PKN2: variants seen among roughly 807,000 people sequenced by gnomAD.
The protein encoded by PKN2 is protein kinase N2, also known as serine/threonine-protein kinase N2.
Under a neutral mutation model 119.1 loss-of-function variants are expected in PKN2, and 38 were observed. That is an observed-to-expected ratio of 0.32 (90% CI 0.25 to 0.42). The LOEUF is 0.42. PKN2 is among the 10% of genes least tolerant of loss of function. The pLI, the probability that PKN2 is intolerant of heterozygous loss-of-function variation, is 1.00. For missense variants in PKN2, 850 were observed against 1,165.1 expected (o/e 0.73, Z 3.94); for synonymous variants, 390 against 384.9 (o/e 1.01, Z -0.15).
chr1:88,730,011 A>C (rs1181202809), intron 1 of PKN2, among the ~76,000 whole-genome samples: 1 of 152,026 alleles, frequency 6.6e-6, no homozygotes, highest in Non-Finnish European at 1.5e-5. Context: ...AAAAATACAA[A>C]AAAATTAGCC....
chr1:88,684,337 A>G lies in PKN2; in HGVS notation c.-244A>G, dbSNP rs1011179166. 3 of 429,046 alleles carry G rather than the reference A, an allele frequency of 7.0e-6. No homozygotes were observed. Among genetic ancestry groups the G allele is most frequent in the African/African-American group, 6.2e-5 (3 of 48,328 alleles). 26.6% of individuals were successfully genotyped at this position (429,046 alleles called of 1,614,324 possible). A position where few individuals can be genotyped will look rare whatever the true frequency, so the allele number is the denominator to read the frequency against. On this transcript the variant is annotated 5_prime_UTR_variant, in exon 1 of 22. Coordinates refer to ENST00000370521, the MANE Select transcript of PKN2 (RefSeq NM_006256.4). ...CTGGCGTCGCCCAGAGGGAGCGACT[A>G]GACGAACAGTCCGGTGAGGGCGGCG...
chr1:88,818,603 G>A (rs966616633), intron 16 of PKN2, among the ~76,000 whole-genome samples: 2 of 150,106 alleles, frequency 1.3e-5, no homozygotes, highest in African/African-American at 4.9e-5. Flanking sequence ...AGCAAAGACT[G>A]TGCCACTGCA....
chr1:88,802,450 C>T (rs896176016), intron 8 of PKN2, among the ~76,000 whole-genome samples: 1 of 152,084 alleles, frequency 6.6e-6, no homozygotes, highest in Non-Finnish European at 1.5e-5. Flanking sequence ...CTTAGCCTCC[C>T]AAGTAGCTGG....
Position 88,821,986 on chromosome 1 carries a change from A to G in PKN2, c.2325A>G (p.Glu775=), listed in dbSNP as rs761643059. ...CVVLGLQYLH[E]HKIVYRDLKL... ...TTCTTGGGTTGCAGTATTTACATGA[A>G]CACAAAATTGTTTATAGGTAAGTTA... The change falls in exon 17 of 22, where the codon GAA becomes GAG. Residue 775 remains glutamate (E), a synonymous_variant. Coordinates refer to ENST00000370521, the MANE Select transcript of PKN2 (RefSeq NM_006256.4). 6.3e-7 allele frequency: 1 copy of G among 1,576,234 alleles called. No homozygotes were observed. The highest frequency in any genetic ancestry group is 2.3e-5 in the East Asian group (1 of 43,348).
intron 8 of PKN2, among the ~76,000 whole-genome samples, chr1:88,800,586 G>A (rs1342184416): frequency 1.3e-5 from 2 of 152,196 alleles, no homozygotes; most frequent in Non-Finnish European, 2.9e-5. Context: ...TTCTCACAGT[G>A]TCCCATAGAT....
At chr1:88,715,906 T>C (rs890140943) in intron 1 of PKN2, among the ~76,000 whole-genome samples, 6 of 152,240 alleles carry the variant, frequency 3.9e-5, no homozygotes, top group African/African-American at 1.4e-4. Flanking sequence ...TTTTAGATCT[T>C]TCCCACTTTC....
chr1:88,701,497 C>T (rs977148811), intron 1 of PKN2, among the ~76,000 whole-genome samples: 1 of 152,146 alleles, frequency 6.6e-6, no homozygotes, highest in African/African-American at 2.4e-5. Context: ...AAGGCCAGCT[C>T]TATTGTCAGT....
intron 1 of PKN2, among the ~76,000 whole-genome samples, chr1:88,727,689 CT>C (rs912922625): frequency 6.6e-6 from 1 of 152,120 alleles, no homozygotes; most frequent in Non-Finnish European, 1.5e-5. Flanking sequence ...GTATATCACT[CT>C]TTTTTTGTTT....
intron 1 of PKN2, among the ~76,000 whole-genome samples, chr1:88,712,920 C>T (rs370990766): frequency 6.6e-6 from 1 of 151,746 alleles, no homozygotes; most frequent in East Asian, 1.9e-4. Flanking sequence ...TACTATCCCT[C>T]CCACCTACCC....
At chr1:88,817,976 A>C (rs897787417) in intron 16 of PKN2, among the ~76,000 whole-genome samples, 2 of 152,208 alleles carry the variant, frequency 1.3e-5, no homozygotes, top group Non-Finnish European at 2.9e-5. Flanking sequence ...AGAAAACCCC[A>C]TCATCTCAGC....
At chr1:88,751,381 C>G (rs1334922088) in intron 2 of PKN2, among the ~76,000 whole-genome samples, 1 of 132,008 alleles carries the variant, frequency 7.6e-6, no homozygotes, top group Admixed American at 7.0e-5. Context: ...TACACATACA[C>G]ACACACACAC....
intron 1 of PKN2, among the ~76,000 whole-genome samples, chr1:88,723,552 G>C (rs1667781833): frequency 6.6e-6 from 1 of 152,058 alleles, no homozygotes; most frequent in Non-Finnish European, 1.5e-5. Context: ...CTCCCAAGTA[G>C]CTGGGATTAC....
intron 16 of PKN2, among the ~76,000 whole-genome samples, chr1:88,815,737 A>C (rs779408154): frequency 1.3e-4 from 20 of 152,228 alleles, no homozygotes; most frequent in Non-Finnish European, 2.4e-4. Context: ...TGAAGATTAA[A>C]TAAGCTAATA....
At chr1:88,768,111 T>A (rs1158649396) in intron 3 of PKN2, among the ~76,000 whole-genome samples, 1 of 152,252 alleles carries the variant, frequency 6.6e-6, no homozygotes, top group Non-Finnish European at 1.5e-5. Context: ...TTTGTGTGTG[T>A]ATGTATGGAT....
intron 3 of PKN2, among the ~76,000 whole-genome samples, chr1:88,760,704 G>T (rs907032057): frequency 1.3e-5 from 2 of 151,804 alleles, no homozygotes; most frequent in Non-Finnish European, 2.9e-5. Context: ...ACACTATATT[G>T]TGACATCTGA....
At chr1:88,816,178 G>A (rs113662032) in intron 16 of PKN2, among the ~76,000 whole-genome samples, 6,054 of 152,068 alleles carry the variant, frequency 0.04, 280 homozygotes, top group African/African-American at 0.1. Flanking sequence ...TTTTATAATT[G>A]TTACAGTATT....
intron 2 of PKN2, among the ~76,000 whole-genome samples, chr1:88,752,497 C>T (rs1336135072): frequency 6.6e-6 from 1 of 152,024 alleles, no homozygotes; most frequent in Non-Finnish European, 1.5e-5. Flanking sequence ...TGTGCTGGAA[C>T]TGTCAGTATT....
chr1:88,801,525 G>A (rs954546569), intron 8 of PKN2, among the ~76,000 whole-genome samples: 1 of 152,182 alleles, frequency 6.6e-6, no homozygotes, highest in Non-Finnish European at 1.5e-5. Flanking sequence ...CTGGATGTTA[G>A]GATTTAAAGT....
chr1:88,722,282 A>G (rs1667711926), intron 1 of PKN2, among the ~76,000 whole-genome samples: 1 of 152,206 alleles, frequency 6.6e-6, no homozygotes, highest in Non-Finnish European at 1.5e-5. Flanking sequence ...TTATGCTTGA[A>G]TATGTATGCG....
Sources: allele counts gnomAD v4.1 joint callset (sites outside exome capture counted in the v4.1 genomes callset), GRCh38; gene constraint gnomAD v4.1.1; transcripts MANE v1.5; gene names NCBI Gene and HGNC (gene_info 2026-07-23, HGNC 2026-07-21).